PAGE5: variants seen among roughly 807,000 people sequenced by gnomAD.
The protein encoded by PAGE5 is PAGE family member 5.
PAGE5 carries 8 observed loss-of-function variants against 8.1 expected under a neutral mutation model. That is an observed-to-expected ratio of 0.98 (90% CI 0.58 to 1.77). The LOEUF (loss-of-function observed/expected upper bound fraction) is 1.77. PAGE5 is among the 40% of genes most tolerant of loss of function. The pLI is 0.00. For synonymous variants in PAGE5, 30 were observed against 27.0 expected, an observed-to-expected ratio of 1.11 and a Z score of -0.35; for missense variants, 64 against 77.6, an observed-to-expected ratio of 0.82 and a Z score of 0.66.
At chrX:55,220,756 GGAC>G (rs1318365178) in intron 1 of PAGE5, 1 of 846,947 alleles carries the variant, frequency 1.2e-6, no homozygotes, top group African/African-American at 2.0e-5. Flanking sequence ...CTCTGAGGGA[GGAC>G]AGTTTCTGGA....
intron 1 of PAGE5, 30 bp from the exon 2 acceptor site, chrX:55,221,344 CT>C (rs1937888458): frequency 3.4e-6 from 4 of 1,170,420 alleles, no homozygotes; most frequent in South Asian, 1.8e-5. Context: ...TTCTTACACA[CT>C]TTTTCCAAAT....
chrX:55,221,604 A>G lies in PAGE5; in HGVS notation c.81+141A>G, dbSNP rs1602334486. 3 of 916,097 alleles carry G rather than the reference A, an allele frequency of 3.3e-6. No homozygotes were observed. The African/African-American group carries it at 6.0e-5, about 18-fold the overall frequency. 75.5% of individuals were successfully genotyped at this position (916,097 alleles called of 1,213,427 possible). On this transcript the variant is annotated intron_variant, in intron 2 of 4. Coordinates refer to ENST00000374955, the MANE Select transcript of PAGE5 (RefSeq NM_001013435.3). ...CATCTCATGAAGGCAACTTTGGTTC[A>G]GGAATATTATATTCTGGTGTTGCCT...
chrX:55,220,405 C>A lies in PAGE5; in HGVS notation c.-56C>A. ...GTGTCTTCGTTCTTTCCGCCATCTTCGTTCTTTCCAACATCTTCGTTCTTT... is the reference window on the plus strand; with the variant it reads ...GTGTCTTCGTTCTTTCCGCCATCTTAGTTCTTTCCAACATCTTCGTTCTTT... On this transcript the variant is annotated 5_prime_UTR_variant, in exon 1 of 5. Transcript: ENST00000374955. The A allele has an allele frequency of 2.2e-6, 1 of 449,592 alleles. No individual in the cohort carries two copies. The highest frequency in any genetic ancestry group is 4.0e-6 in the Non-Finnish European group (1 of 250,186). The allele number at this position is 449,592 out of a possible 1,213,427, so 37.1% of individuals were successfully genotyped here.
chrX:55,220,665 G>A (rs1023802782), intron 1 of PAGE5: 1 of 1,193,877 alleles, frequency 8.4e-7, no homozygotes, highest in Non-Finnish European at 1.1e-6. Context: ...GGCCGTGGAG[G>A]GGGTAGATCG....
At chrX:55,220,555 G>A in intron 1 of PAGE5, 103 bp downstream of exon 1, 1 of 1,161,241 alleles carries the variant, frequency 8.6e-7, no homozygotes, top group Non-Finnish European at 1.2e-6. Flanking sequence ...GTGGCTTTGA[G>A]GGAAAAGGGC....
chrX:55,223,210 A>T (rs1026792317), intron 4 of PAGE5, among the ~76,000 whole-genome samples: 6 of 112,594 alleles, frequency 5.3e-5, no homozygotes, highest in African/African-American at 1.9e-4. Context: ...TAAAAGAAAG[A>T]TAAGAAAAGG....
At chrX:55,221,316 T>C in intron 1 of PAGE5, 59 bp from the exon 2 acceptor site, 3 of 1,041,056 alleles carry the variant, frequency 2.9e-6, no homozygotes, top group Non-Finnish European at 4.0e-6. Context: ...CCATGGAATG[T>C]TCATATATAT....
chrX:55,220,675 G>T, intron 1 of PAGE5: 1 of 1,185,548 alleles, frequency 8.4e-7, no homozygotes, highest in Middle Eastern at 2.5e-4. Flanking sequence ...GGGGTAGATC[G>T]CCTGAAGATG....
chrX:55,221,290 A>G (rs1479651456), intron 1 of PAGE5, 85 bp from the exon 2 acceptor site: 23 of 889,036 alleles, frequency 2.6e-5, no homozygotes, highest in East Asian at 3.3e-5. Flanking sequence ...TTAAAAAAGT[A>G]CAAATCACCA....
intron 3 of PAGE5, 54 bp from the exon 4 acceptor site, chrX:55,222,567 C>T: frequency 9.0e-7 from 1 of 1,116,172 alleles, no homozygotes; most frequent in Non-Finnish European, 1.2e-6. Flanking sequence ...AATATTATTA[C>T]CTCGTTCATA....
intron 1 of PAGE5, among the ~76,000 whole-genome samples, chrX:55,220,931 T>C (rs1247499743): frequency 9.0e-6 from 1 of 110,891 alleles, no homozygotes. Flanking sequence ...CAACTTCTCA[T>C]CTCAGCCATG....
chrX:55,223,159 T>A (rs994935251), intron 4 of PAGE5, among the ~76,000 whole-genome samples: 1 of 112,588 alleles, frequency 8.9e-6, no homozygotes, highest in African/African-American at 3.2e-5. Flanking sequence ...TAAAACATCA[T>A]GTTTTACATG....
In PAGE5 at chrX:55,221,483, A is replaced by T. The variant is rs778506253; in HGVS notation, c.81+20A>T. On this transcript the variant is annotated intron_variant, in intron 2 of 4. Coordinates refer to ENST00000374955, the MANE Select transcript of PAGE5 (RefSeq NM_001013435.3). The stretch of plus-strand genomic sequence containing the variant: ...GTGATTGTGAGTCCTTTAGCATTTG[A>T]TGTTTTCTATTAACACATTTTATTT... 31 of 1,180,336 alleles carry T rather than the reference A, an allele frequency of 2.6e-5. No homozygotes were observed. The South Asian group carries it at 5.1e-4, about 19-fold the overall frequency.
intron 4 of PAGE5, 70 bp downstream of exon 4, chrX:55,222,816 A>C (rs1937911626): frequency 9.1e-7 from 1 of 1,101,886 alleles, no homozygotes; most frequent in South Asian, 2.0e-5. Context: ...TGTGACACAG[A>C]GGTAAAATTA....
At position 55,220,387 on chromosome X, in the gene PAGE5, C is replaced by T. The variant is rs1937873208; in HGVS notation, c.-74C>T. On this transcript the variant is annotated 5_prime_UTR_variant, in exon 1 of 5. Coordinates refer to ENST00000374955, the MANE Select transcript of PAGE5 (RefSeq NM_001013435.3). The stretch of plus-strand genomic sequence containing the variant: ...GCTCTGCAAGGAGAGGTTGTGTCTT[C>T]GTTCTTTCCGCCATCTTCGTTCTTT... 3 of 426,636 alleles carry T rather than the reference C, an allele frequency of 7.0e-6. No homozygotes were observed. Among genetic ancestry groups the T allele is most frequent in the Non-Finnish European group, 1.3e-5 (3 of 238,594 alleles). 35.2% of individuals were successfully genotyped at this position (426,636 alleles called of 1,213,427 possible). A position where few individuals can be genotyped will look rare whatever the true frequency, so the allele number is the denominator to read the frequency against.
chrX:55,220,354 T>C lies in PAGE5; in HGVS notation c.-107T>C. The C allele has an allele frequency of 2.6e-6, 1 of 388,600 alleles. No homozygotes were observed. 32.0% of individuals were successfully genotyped at this position (388,600 alleles called of 1,213,427 possible). On this transcript the variant is annotated 5_prime_UTR_variant, in exon 1 of 5. Coordinates refer to ENST00000374955, the MANE Select transcript of PAGE5 (RefSeq NM_001013435.3). ...TGCGCCTTTCTGCCCACCTTCTGTC[T>C]AGGCAGAGCTCTGCAAGGAGAGGTT...
At chrX:55,223,295 T>G (rs375377204) in intron 4 of PAGE5, among the ~76,000 whole-genome samples, 19 of 112,594 alleles carry the variant, frequency 1.7e-4, no homozygotes, top group African/African-American at 4.8e-4. Context: ...GGACTGTTTT[T>G]TAACAAATAC....
chrX:55,220,395 C>T lies in PAGE5; in HGVS notation c.-66C>T. 2 of 430,065 alleles carry T rather than the reference C, an allele frequency of 4.7e-6. No individual in the cohort carries two copies. The highest frequency in any genetic ancestry group is 6.4e-5 in the South Asian group (2 of 31,119). 35.4% of individuals were successfully genotyped at this position (430,065 alleles called of 1,213,427 possible). On this transcript the variant is annotated 5_prime_UTR_variant, in exon 1 of 5. Coordinates refer to ENST00000374955, the MANE Select transcript of PAGE5 (RefSeq NM_001013435.3). ...AGGAGAGGTTGTGTCTTCGTTCTTT[C>T]CGCCATCTTCGTTCTTTCCAACATC...
rs181856420 is a variant in PAGE5 at position 55,223,375 on chromosome X, C to G, written c.317-612C>G. Among the ~76,000 whole-genome samples, 404 of 111,570 alleles carry G rather than the reference C, an allele frequency of 3.6e-3. 2 individuals carry two copies. Among genetic ancestry groups the G allele is most frequent in the African/African-American group, 0.013 (386 of 30,745 alleles). ...TGTGCTGGTAATGTCTTAAAGCTAGCGTGGGGGTTTTCAGTTTACTGTATA... is the reference window on the plus strand; with the variant it reads ...TGTGCTGGTAATGTCTTAAAGCTAGGGTGGGGGTTTTCAGTTTACTGTATA... On this transcript the variant is annotated intron_variant, in intron 4 of 4. Transcript: ENST00000374955.
Sources: gnomAD v4.1 joint callset for allele counts (sites outside exome capture counted in the v4.1 genomes callset) on GRCh38, gnomAD v4.1.1 for gene constraint, MANE v1.5 for transcripts, NCBI Gene and HGNC (gene_info 2026-07-23, HGNC 2026-07-21) for gene names.